The following FSTL5 variants were observed in gnomAD, a reference collection of about 807,000 sequenced individuals.
FSTL5 encodes the protein follistatin like 5, also known as follistatin-related protein 5.
A neutral mutation model predicts 89.1 loss-of-function variants in FSTL5; 62 were observed. The ratio of observed to expected loss-of-function variants is 0.70; its 90% CI spans 0.57 to 0.86. The LOEUF is 0.86. Ranked by LOEUF, FSTL5 falls within the 40% of genes least tolerant of loss-of-function variation. The pLI is 0.00. For synonymous variants in FSTL5, 383 were observed against 346.2 expected (o/e 1.11, Z -1.18); for missense variants, 1,057 against 1,001.6 (o/e 1.06, Z -0.75).
At chr4:161,618,385 C>T (rs1467212820) in intron 7 of FSTL5, among the ~76,000 whole-genome samples, 2 of 134,474 alleles carry the variant, frequency 1.5e-5, no homozygotes, top group African/African-American at 2.9e-5. Context: ...TGAGAGAGGG[C>T]ATCCCTGTCT....
chr4:161,556,534 C>A (rs968397651), intron 8 of FSTL5, among the ~76,000 whole-genome samples: 2 of 151,480 alleles, frequency 1.3e-5, no homozygotes, highest in Non-Finnish European at 3.0e-5. Context: ...CACTCCAACT[C>A]TATGAGTGCT....
Position 161,691,149 on chromosome 4 carries a change from G to GT in FSTL5, c.728-34656dup, listed in dbSNP as rs927983670. Among the ~76,000 whole-genome samples the GT allele has an allele frequency of 2.7e-4, 41 of 149,854 alleles. 1 individual carries two copies. Among genetic ancestry groups the GT allele is most frequent in the East Asian group, 1.2e-3 (6 of 5,128 alleles). On this transcript the variant is annotated intron_variant, in intron 6 of 15. Transcript: ENST00000306100. The stretch of plus-strand genomic sequence containing the variant: ...TTTAAGGTCAGGAATATTTGCCCCT[G>GT]TTTTTTTTTCTAAAAATTCTATAGA...
At chr4:161,976,419 C>T (rs1735647752) in intron 3 of FSTL5, among the ~76,000 whole-genome samples, 1 of 152,116 alleles carries the variant, frequency 6.6e-6, no homozygotes, top group Non-Finnish European at 1.5e-5. Context: ...CAGTGTGGGA[C>T]TCAGGCATTA....
intron 6 of FSTL5, among the ~76,000 whole-genome samples, chr4:161,749,339 C>T (rs1740315396): frequency 6.6e-6 from 1 of 152,136 alleles, no homozygotes; most frequent in African/African-American, 2.4e-5. Context: ...CCGTGAAATA[C>T]TATGCAGTAT....
At chr4:161,937,820 T>C (rs1734473220) in intron 3 of FSTL5, among the ~76,000 whole-genome samples, 1 of 152,162 alleles carries the variant, frequency 6.6e-6, no homozygotes, top group Non-Finnish European at 1.5e-5. Flanking sequence ...CTCCTCCTCA[T>C]ATACGTGTGC....
intron 10 of FSTL5, among the ~76,000 whole-genome samples, chr4:161,522,247 G>T (rs62324309): frequency 0.14 from 21,699 of 152,190 alleles, 2,111 homozygotes; most frequent in East Asian, 0.37. Flanking sequence ...AGAAGTGACA[G>T]AGACAGCAAG....
chr4:161,542,576 C>A lies in FSTL5; in HGVS notation c.1133G>T (p.Gly378Val). ...GGAAAGCTTTGGTGTAATATCAATT[C>A]CATTCTTCAACCAGCCAAGCTGAGG... ...PKPQLGWLKN[G>V]IDITPKLSKQ... Residue 378 changes from glycine (G) to valine (V), a missense_variant, in exon 9 of 16, where the codon GGA becomes GTA. Physicochemically the swap from Gly to Val is moderately radical, Grantham distance 109. Coordinates refer to ENST00000306100, the MANE Select transcript of FSTL5 (RefSeq NM_020116.5). The A allele has an allele frequency of 6.4e-7, 1 of 1,562,980 alleles. No homozygotes were observed. The highest frequency in any genetic ancestry group is 8.7e-7 in the Non-Finnish European group (1 of 1,151,452).
At chr4:161,695,480 C>CAT (rs58447642) in intron 6 of FSTL5, among the ~76,000 whole-genome samples, 73,232 of 144,796 alleles carry the variant, frequency 0.51, 21,249 homozygotes, top group East Asian at 0.69. Flanking sequence ...AGACATATAT[C>CAT]ATATATATAT....
chr4:161,697,611 C>T (rs2126726566), intron 6 of FSTL5, among the ~76,000 whole-genome samples: 1 of 152,152 alleles, frequency 6.6e-6, no homozygotes, highest in East Asian at 1.9e-4. Flanking sequence ...TAAGTGCCGG[C>T]CAATGGACGA....
intron 11 of FSTL5, among the ~76,000 whole-genome samples, chr4:161,502,633 C>T (rs533758601): frequency 1.6e-4 from 24 of 151,892 alleles, no homozygotes; most frequent in African/African-American, 4.3e-4. Context: ...ATGGTCTCTG[C>T]GAGTCCTCCT....
At chr4:161,594,882 C>G (rs62328840) in intron 7 of FSTL5, among the ~76,000 whole-genome samples, 26,385 of 151,600 alleles carry the variant, frequency 0.17, 2,800 homozygotes, top group Non-Finnish European at 0.22. Flanking sequence ...TTAAATGAAA[C>G]ATGAAATTTT....
At chr4:161,392,054 A>T (rs1213948515) in intron 15 of FSTL5, among the ~76,000 whole-genome samples, 1 of 152,056 alleles carries the variant, frequency 6.6e-6, no homozygotes, top group African/African-American at 2.4e-5. Flanking sequence ...TATTCTATTT[A>T]TTCTGATATG....
intron 2 of FSTL5, among the ~76,000 whole-genome samples, chr4:162,034,110 G>C (rs1328155542): frequency 6.6e-6 from 1 of 151,778 alleles, no homozygotes; most frequent in Non-Finnish European, 1.5e-5. Context: ...CTTATATAAA[G>C]TATTTTATTG....
In FSTL5 at chr4:161,656,075, A is replaced by G. The variant is rs1378026694; in HGVS notation, c.894+253T>C. On this transcript the variant is annotated intron_variant, in intron 7 of 15. Transcript: ENST00000306100. ...TTAAAACTTAATAGATATTCCCTGT[A>G]AAGATTTTGAACCAATTTATTTTCT... Among the ~76,000 whole-genome samples, 7 of 152,158 alleles carry G rather than the reference A, an allele frequency of 4.6e-5. No homozygotes were observed. The East Asian group carries it at 1.2e-3, about 25-fold the overall frequency.
chr4:162,107,853 T>A (rs1731282884), intron 2 of FSTL5, among the ~76,000 whole-genome samples: 1 of 152,138 alleles, frequency 6.6e-6, no homozygotes, highest in African/African-American at 2.4e-5. Flanking sequence ...TCACTCTCTC[T>A]TGTCCTTGGT....
intron 8 of FSTL5, among the ~76,000 whole-genome samples, chr4:161,561,136 A>C (rs570249990): frequency 6.6e-6 from 1 of 152,020 alleles, no homozygotes; most frequent in South Asian, 2.1e-4. Flanking sequence ...CCACTATCTT[A>C]CATGTGGTTC....
At chr4:161,882,013 A>G (rs1436342569) in intron 4 of FSTL5, among the ~76,000 whole-genome samples, 1 of 152,108 alleles carries the variant, frequency 6.6e-6, no homozygotes, top group Non-Finnish European at 1.5e-5. Context: ...CAAAGAGGTC[A>G]GACTGTTTCC....
At chr4:161,669,893 G>A (rs1358766920) in intron 6 of FSTL5, among the ~76,000 whole-genome samples, 1 of 151,922 alleles carries the variant, frequency 6.6e-6, no homozygotes, top group East Asian at 1.9e-4. Flanking sequence ...GTGTCCTTAA[G>A]GCTGTATTTA....
At chr4:161,892,942 T>G (rs935245743) in intron 4 of FSTL5, among the ~76,000 whole-genome samples, 12 of 152,160 alleles carry the variant, frequency 7.9e-5, no homozygotes, top group African/African-American at 2.9e-4. Flanking sequence ...TTAGTTTGTA[T>G]GTTCATATCT....
Sources: gnomAD v4.1 joint callset for allele counts (sites outside exome capture counted in the v4.1 genomes callset) on GRCh38, gnomAD v4.1.1 for gene constraint, MANE v1.5 for transcripts, NCBI Gene and HGNC (gene_info 2026-07-23, HGNC 2026-07-21) for gene names.